The following GRID2 variants were observed in gnomAD, a reference collection of about 807,000 sequenced individuals.
GRID2 encodes the protein glutamate ionotropic receptor delta type subunit 2.
A neutral mutation model predicts 114.8 loss-of-function variants in GRID2; 33 were observed. That is an observed-to-expected ratio of 0.29 (90% CI 0.22 to 0.38). The LOEUF is 0.38. GRID2 is among the 10% of genes least tolerant of loss of function. The pLI is 1.00. For missense variants in GRID2, 1,184 were observed against 1,257.7 expected (o/e 0.94, Z 0.89); for synonymous variants, 505 against 449.9 (o/e 1.12, Z -1.55).
chr4:92,908,561 C>CAAAAAAAAAAAAAAAAAAAA (rs762037449), intron 2 of GRID2, among the ~76,000 whole-genome samples: 1 of 35,996 alleles, frequency 2.8e-5, no homozygotes, highest in African/African-American at 8.9e-5. Context: ...GACTCCATCT[C>CAAAAAAAAAAAAAAAAAAAA]AAAAAAAAAA....
At chr4:92,787,096 G>A (rs1223104543) in intron 2 of GRID2, among the ~76,000 whole-genome samples, 1 of 151,692 alleles carries the variant, frequency 6.6e-6, no homozygotes, top group Non-Finnish European at 1.5e-5. Context: ...TCTGAATAAC[G>A]GTTTCTCTAG....
intron 1 of GRID2, among the ~76,000 whole-genome samples, chr4:92,544,922 A>G (rs1213244358): frequency 2.0e-5 from 3 of 152,096 alleles, no homozygotes; most frequent in African/African-American, 7.2e-5. Context: ...TTTATTAGGT[A>G]ATGAGCCCAG....
At chr4:93,589,642 T>G (rs1230186145) in intron 13 of GRID2, among the ~76,000 whole-genome samples, 1 of 151,850 alleles carries the variant, frequency 6.6e-6, no homozygotes, top group Non-Finnish European at 1.5e-5. Flanking sequence ...ACTTCCACAA[T>G]GGTTGAACTA....
chr4:93,690,003 G>A (rs77164332), intron 14 of GRID2, among the ~76,000 whole-genome samples: 6,262 of 152,006 alleles, frequency 0.041, 198 homozygotes, highest in African/African-American at 0.081. Flanking sequence ...ATTTTATTCT[G>A]GAATGTGTAT....
intron 2 of GRID2, among the ~76,000 whole-genome samples, chr4:92,864,931 A>G (rs1744760096): frequency 6.6e-6 from 1 of 152,174 alleles, no homozygotes; most frequent in African/African-American, 2.4e-5. Context: ...GATCCCCAAA[A>G]TTTATTTGAT....
chr4:92,672,490 A>G (rs1733121986), intron 2 of GRID2, among the ~76,000 whole-genome samples: 1 of 152,046 alleles, frequency 6.6e-6, no homozygotes, highest in Non-Finnish European at 1.5e-5. Flanking sequence ...ACTTATTTGT[A>G]CTTCTACATT....
At chr4:93,448,535 A>G (rs1433449030) in intron 10 of GRID2, among the ~76,000 whole-genome samples, 1 of 151,968 alleles carries the variant, frequency 6.6e-6, no homozygotes, top group Non-Finnish European at 1.5e-5. Context: ...ATTGGCCTCA[A>G]AGAAAACACT....
intron 2 of GRID2, among the ~76,000 whole-genome samples, chr4:92,831,899 C>A (rs933736157): frequency 6.6e-6 from 1 of 151,790 alleles, no homozygotes; most frequent in African/African-American, 2.4e-5. Flanking sequence ...TATAAATAAA[C>A]CCCCCAAAAT....
At position 93,240,313 on chromosome 4, in the gene GRID2, A is replaced by C. The variant is rs76490068; in HGVS notation, c.1245+1823A>C. Among the ~76,000 whole-genome samples the C allele has an allele frequency of 9.1e-3, 1,382 of 151,704 alleles. 25 individuals are homozygous for C. The highest frequency in any genetic ancestry group is 0.032 in the African/African-American group (1,312 of 41,504). On this transcript the variant is annotated intron_variant, in intron 8 of 15. Transcript: ENST00000282020. ...TTGAATTTGTAAGACTTAAAATTTT[A>C]TTAACTTATTGGGTGGATATAATGA...
chr4:93,085,563 C>G (rs1042712686), intron 3 of GRID2, among the ~76,000 whole-genome samples: 3 of 152,100 alleles, frequency 2.0e-5, no homozygotes, highest in Non-Finnish European at 2.9e-5. Context: ...CTTGATTTTT[C>G]AACTAATGGG....
chr4:93,592,157 A>C (rs1404285507), intron 13 of GRID2, among the ~76,000 whole-genome samples: 1 of 151,880 alleles, frequency 6.6e-6, no homozygotes, highest in Non-Finnish European at 1.5e-5. Context: ...TTAGGGTGTC[A>C]ATTTTAGATC....
At chr4:92,845,135 A>T (rs1743213462) in intron 2 of GRID2, among the ~76,000 whole-genome samples, 1 of 152,130 alleles carries the variant, frequency 6.6e-6, no homozygotes, top group South Asian at 2.1e-4. Context: ...GTCCCCTGAA[A>T]GGTCTTGAAG....
At chr4:92,557,911 A>G (rs770149048) in intron 1 of GRID2, among the ~76,000 whole-genome samples, 3 of 152,122 alleles carry the variant, frequency 2.0e-5, no homozygotes, top group Non-Finnish European at 4.4e-5. Flanking sequence ...TTATTGAAAT[A>G]TTCTGCAGAT....
intron 12 of GRID2, among the ~76,000 whole-genome samples, chr4:93,505,816 G>T (rs1728573710): frequency 6.6e-6 from 1 of 151,870 alleles, no homozygotes; most frequent in Non-Finnish European, 1.5e-5. Context: ...GAGGTTTGTG[G>T]TAGAAAAATA....
At chr4:93,148,881 A>G (rs1224564630) in intron 4 of GRID2, among the ~76,000 whole-genome samples, 9 of 151,068 alleles carry the variant, frequency 6.0e-5, no homozygotes. Flanking sequence ...ATATATATTT[A>G]GATTCTTGGA....
At chr4:93,626,615 A>G (rs1284872353) in intron 14 of GRID2, among the ~76,000 whole-genome samples, 180 bp downstream of exon 14, 1 of 152,222 alleles carries the variant, frequency 6.6e-6, no homozygotes, top group Non-Finnish European at 1.5e-5. Context: ...TACCTAAAAC[A>G]TGAAGTATTG....
chr4:92,416,077 T>A (rs557225075), intron 1 of GRID2, among the ~76,000 whole-genome samples: 3 of 152,078 alleles, frequency 2.0e-5, no homozygotes, highest in Admixed American at 6.6e-5. Flanking sequence ...GTTTATTTTT[T>A]AATTTTTACT....
intron 1 of GRID2, among the ~76,000 whole-genome samples, chr4:92,418,082 A>G (rs1731707923): frequency 6.6e-6 from 1 of 152,146 alleles, no homozygotes. Context: ...ACAGTTATAC[A>G]TGAAGAAAAG....
intron 14 of GRID2, among the ~76,000 whole-genome samples, chr4:93,685,234 G>T (rs1725969496): frequency 6.6e-6 from 1 of 152,060 alleles, no homozygotes; most frequent in Non-Finnish European, 1.5e-5. Flanking sequence ...TGAATGCTTT[G>T]TATCCCTGTT....
Sources: allele counts gnomAD v4.1 joint callset (sites outside exome capture counted in the v4.1 genomes callset), GRCh38; gene constraint gnomAD v4.1.1; transcripts MANE v1.5; gene names NCBI Gene and HGNC (gene_info 2026-07-23, HGNC 2026-07-21).